Variants in IRX4 observed in about 807,000 individuals in gnomAD.
The protein encoded by IRX4 is iroquois homeobox 4, also known as iroquois-class homeodomain protein IRX-4.
IRX4 carries 22 observed loss-of-function variants against 32.0 expected under a neutral mutation model. That is an observed-to-expected ratio of 0.69 (90% CI 0.49 to 0.98). The LOEUF (loss-of-function observed/expected upper bound fraction) is 0.98. IRX4 is among the 50% of genes least tolerant of loss of function. IRX4 has a pLI of 0.00. For synonymous variants in IRX4, 379 were observed against 351.7 expected, an observed-to-expected ratio of 1.08 and a Z score of -0.87; for missense variants, 840 against 744.2, an observed-to-expected ratio of 1.13 and a Z score of -1.50.
Position 1,878,113 on chromosome 5 carries a change from G to C in IRX4, c.1416C>G (p.Arg472=). The stretch of plus-strand genomic sequence containing the variant: ...GCACGTTCGCGCCCGCCCCCAGCGA[G>C]CGTCCCAGAGGCCCGGGGTCCAGGA... The part of the protein sequence containing the change: ...GALLDPGPLG[R]SLGAGANVLT... Residue 472 remains arginine (R), a synonymous_variant, in exon 5 of 5, where the codon CGC becomes CGG. Transcript: ENST00000231357. The C allele has an allele frequency of 6.5e-7, 1 of 1,540,836 alleles. No homozygotes were observed. Among genetic ancestry groups the C allele is most frequent in the East Asian group, 2.4e-5 (1 of 41,272 alleles).
chr5:1,878,896 A>T (rs1298316396), intron 4 of IRX4, 104 bp from the exon 5 acceptor site: 1 of 1,219,470 alleles, frequency 8.2e-7, no homozygotes, highest in Non-Finnish European at 1.2e-6. Flanking sequence ...CGCTACGAAA[A>T]GCACTCGGGG....
In IRX4 at chr5:1,878,334, C is replaced by A; in HGVS notation, c.1195G>T (p.Gly399Cys). The A allele has an allele frequency of 6.4e-7, 1 of 1,551,090 alleles. No individual in the cohort carries two copies. The highest frequency in any genetic ancestry group is 1.2e-5 in the South Asian group (1 of 84,384). ...GACACAGCCGCAGGGGCCGCGGGACCTTGGCGCTTGAGCATGCACGACGGA... is the reference window on the plus strand; with the variant it reads ...GACACAGCCGCAGGGGCCGCGGGACATTGGCGCTTGAGCATGCACGACGGA... ...EFPSCMLKRQ[G>C]PAAPAAVSSA... Residue 399 changes from glycine to cysteine, a missense_variant, in exon 5 of 5, where the codon GGT (glycine) becomes TGT (cysteine). Coordinates refer to ENST00000231357, the MANE Select transcript of IRX4 (RefSeq NM_016358.3).
intron 4 of IRX4, among the ~76,000 whole-genome samples, chr5:1,879,069 G>A (rs1735328937): frequency 6.6e-6 from 1 of 151,244 alleles, no homozygotes; most frequent in Non-Finnish European, 1.5e-5. Context: ...TCAGCTCACT[G>A]CAAACTCCGC....
chr5:1,881,800 C>T lies in IRX4; in HGVS notation c.297+8G>A, dbSNP rs1386152564. The T allele has an allele frequency of 1.9e-6, 3 of 1,568,626 alleles. No individual in the cohort carries two copies. The highest frequency in any genetic ancestry group is 1.7e-4 in the Middle Eastern group (1 of 6,012). On this transcript the variant is annotated splice_region_variant and intron_variant, in intron 2 of 4. Coordinates refer to ENST00000231357, the MANE Select transcript of IRX4 (RefSeq NM_016358.3). The stretch of plus-strand genomic sequence containing the variant: ...GGGCAGGGCAAGGGCTAGGGATGCC[C>T]CACTTACCAGCGAGTAGAAGGCGGA...
chr5:1,882,196 C>A, intron 1 of IRX4, 137 bp from the exon 2 acceptor site: 1 of 1,067,704 alleles, frequency 9.4e-7, no homozygotes, highest in Non-Finnish European at 1.3e-6. Flanking sequence ...CCAGGATGCT[C>A]GCCCCTTTCC....
Position 1,878,488 on chromosome 5 carries a change from G to T in IRX4, c.1041C>A (p.Cys347Ter). The T allele has an allele frequency of 1.4e-6, 2 of 1,442,408 alleles. No homozygotes were observed. Among genetic ancestry groups the T allele is most frequent in the Non-Finnish European group, 9.0e-7 (1 of 1,105,032 alleles). The allele number at this position is 1,442,408 out of a possible 1,614,324, so 89.4% of individuals were successfully genotyped here. The change falls in exon 5 of 5, where the codon TGC becomes TGA. Residue 347 changes from cysteine (C) to a stop codon, truncating the protein, a stop_gained. Coordinates refer to ENST00000231357, the MANE Select transcript of IRX4 (RefSeq NM_016358.3). LOFTEE classifies it low-confidence loss of function (END_TRUNC). ...CCGGCACAAACCCCAGCTTGGCCTC[G>T]CAGACCTGAGGGCCGCCCTCTGCGC... is the stretch of plus-strand genomic sequence containing the variant. ...LPGAEGGPQVCEAKLGFVPAG... is the reference protein window; with the variant it reads ...LPGAEGGPQV
intron 1 of IRX4, 60 bp downstream of exon 1, chr5:1,882,543 C>T: frequency 7.1e-7 from 1 of 1,408,842 alleles, no homozygotes; most frequent in Non-Finnish European, 9.7e-7. Flanking sequence ...ACCCCCCGTC[C>T]CCGCCCCATC....
intron 3 of IRX4, 60 bp from the exon 4 acceptor site, chr5:1,879,892 C>A: frequency 1.9e-6 from 3 of 1,602,180 alleles, no homozygotes; most frequent in Non-Finnish European, 2.5e-6. Flanking sequence ...GCATCATGGG[C>A]ATAGGGGTGG....
upstream of IRX4, among the ~76,000 whole-genome samples, chr5:1,885,075 G>C (rs1226249289): frequency 2.0e-5 from 3 of 152,106 alleles, no homozygotes; most frequent in African/African-American, 7.2e-5. Flanking sequence ...ACCTGGCCTC[G>C]GCGACTGTGA....
rs1025901197 is a variant in IRX4, at chr5:1,878,290, G to C, written c.1239C>G (p.Ser413=). The C allele has an allele frequency of 1.3e-6, 2 of 1,589,680 alleles. No individual in the cohort carries two copies. Among genetic ancestry groups the C allele is most frequent in the Non-Finnish European group, 1.7e-6 (2 of 1,168,932 alleles). ...PAAVSSAPAT[S]PSVALPHSGA... is the part of the protein sequence containing the mutation. ...CAGAGTGGGGAAGGGCCACAGACGG[G>C]GACGTGGCGGGCGCGGAGGACACAG... Residue 413 remains serine, a synonymous_variant, in exon 5 of 5, where the codon TCC becomes TCG. Coordinates refer to ENST00000231357, the MANE Select transcript of IRX4 (RefSeq NM_016358.3).
upstream of IRX4, among the ~76,000 whole-genome samples, chr5:1,883,405 G>C (rs1439421850): frequency 6.6e-6 from 1 of 152,192 alleles, no homozygotes; most frequent in African/African-American, 2.4e-5. Flanking sequence ...GGGCTCGCAG[G>C]CGCCCCGCAC....
chr5:1,878,606 A>G lies in IRX4; in HGVS notation c.923T>C (p.Leu308Pro), dbSNP rs758738629. The G allele has an allele frequency of 6.4e-6, 10 of 1,562,244 alleles. No individual in the cohort carries two copies. Among genetic ancestry groups the G allele is most frequent in the Non-Finnish European group, 6.9e-6 (8 of 1,154,430 alleles). ...KEASGALRMS[L>P]AAGGGAALDE... ...CAGAGCAGCTCCGCCACCCGCGGCC[A>G]GAGACATCCGGAGCGCGCCTGAGGC... Residue 308 changes from leucine to proline, a missense_variant, in exon 5 of 5, where the codon CTG becomes CCG. Leu to Pro is a moderately conservative substitution (Grantham distance 98). Transcript: ENST00000231357.
chr5:1,881,204 C>T (rs1190538074), intron 2 of IRX4: 4 of 321,228 alleles, frequency 1.2e-5, no homozygotes, highest in Non-Finnish European at 2.4e-5. Flanking sequence ...CTGGGGATGC[C>T]CTGGGATGCA....
upstream of IRX4, among the ~76,000 whole-genome samples, chr5:1,886,022 C>A (rs909253177): frequency 1.3e-5 from 2 of 152,264 alleles, no homozygotes; most frequent in Non-Finnish European, 2.9e-5. Flanking sequence ...TCCCGCTGGC[C>A]TGGAGCGCTC....
chr5:1,878,686 G>A lies in IRX4; in HGVS notation c.843C>T (p.Ser281=). ...GGACGCGCTCCAGACCGCCGTCCAGGGAGTGGAAGGGCGGCTTCAGCTCGC... is the reference window on the plus strand; with the variant it reads ...GGACGCGCTCCAGACCGCCGTCCAGAGAGTGGAAGGGCGGCTTCAGCTCGC... The part of the protein sequence containing the change: ...PACELKPPFH[S]LDGGLERVPA... The change falls in exon 5 of 5, where the codon TCC becomes TCT. Residue 281 remains serine, a synonymous_variant. Coordinates refer to ENST00000231357, the MANE Select transcript of IRX4 (RefSeq NM_016358.3). 2.5e-6 allele frequency: 4 copies of A among 1,607,640 alleles called. No individual in the cohort carries two copies. The highest frequency in any genetic ancestry group is 3.4e-6 in the Non-Finnish European group (4 of 1,177,838).
At chr5:1,885,874 G>A (rs902830734), upstream of IRX4, among the ~76,000 whole-genome samples, 1 of 152,278 alleles carries the variant, frequency 6.6e-6, no homozygotes, top group Non-Finnish European at 1.5e-5. Flanking sequence ...AGCTGAACGC[G>A]TCTGCATAGA....
intron 3 of IRX4, chr5:1,880,118 G>A: frequency 1.3e-6 from 2 of 1,535,640 alleles, no homozygotes; most frequent in South Asian, 1.2e-5. Flanking sequence ...ATTCCTTTAT[G>A]GGGATGACCG....
rs541348994 is a variant in IRX4 at position 1,877,689 on chromosome 5, T to C, written c.*280A>G. Reference sequence around the variant, plus strand: ...CCATGTAAACTTTTGACGTAAACTTTATGCTTCAGGGTATCTGGCCTCTTC... The same window carrying C: ...CCATGTAAACTTTTGACGTAAACTTCATGCTTCAGGGTATCTGGCCTCTTC... On this transcript the variant is annotated 3_prime_UTR_variant, in exon 5 of 5. Coordinates refer to ENST00000231357, the MANE Select transcript of IRX4 (RefSeq NM_016358.3). 2.0e-5 allele frequency: 9 copies of C among 453,150 alleles called. No homozygotes were observed. Among genetic ancestry groups the C allele is most frequent in the East Asian group, 1.5e-4 (4 of 26,068 alleles). The allele number at this position is 453,150 out of a possible 1,614,324, so 28.1% of individuals were successfully genotyped here.
rs773560722 is a variant in IRX4 at position 1,878,716 on chromosome 5, CG to C, written c.812del (p.Pro271ArgfsTer5). On this transcript the variant is annotated frameshift_variant, in exon 5 of 5. Coordinates refer to ENST00000231357, the MANE Select transcript of IRX4 (RefSeq NM_016358.3). LOFTEE classifies it low-confidence loss of function (END_TRUNC). ...GGAAGGGCGGCTTCAGCTCGCACGC[CG>C]GCGGCTCTGCTTCCAGCGGGTCGAA... ...DDFDPLEAEP[P>X]ACELKPPFHS... 7 of 1,612,604 alleles carry C rather than the reference CG, an allele frequency of 4.3e-6. No individual in the cohort carries two copies. In the Admixed American group the frequency reaches 1.2e-4, roughly 27 times the overall value.
Sources: allele counts gnomAD v4.1 joint callset (sites outside exome capture counted in the v4.1 genomes callset), GRCh38; gene constraint gnomAD v4.1.1; transcripts MANE v1.5; gene names NCBI Gene and HGNC (gene_info 2026-07-23, HGNC 2026-07-21).